DPF1: variants seen among roughly 807,000 people sequenced by gnomAD.
DPF1 encodes double PHD fingers 1.
Under a neutral mutation model 58.7 loss-of-function variants are expected in DPF1, and 14 were observed. That is an observed-to-expected ratio of 0.24 (90% CI 0.16 to 0.37). DPF1 has a LOEUF of 0.37. Among genes scored for constraint, DPF1 ranks in the 10% least tolerant of loss-of-function variants. The pLI, the probability that DPF1 is intolerant of heterozygous loss-of-function variation, is 1.00. For missense variants in DPF1, 345 were observed against 529.9 expected (o/e 0.65, Z 3.43); for synonymous variants, 216 against 216.0 (o/e 1.00, Z 0.00).
intron 1 of DPF1, chr19:38,223,426 T>TAC (rs1311817585): frequency 6.6e-6 from 1 of 152,206 alleles, no homozygotes; most frequent in African/African-American, 2.4e-5. Context: ...TTCACACAGG[T>TAC]ACACACACAC....
At chr19:38,226,274 C>T (rs1001986301), upstream of DPF1, among the ~76,000 whole-genome samples, 10 of 143,382 alleles carry the variant, frequency 7.0e-5, no homozygotes. Flanking sequence ...CCCCCTTTCC[C>T]CTTCCCACCC....
upstream of DPF1, chr19:38,228,003 G>T (rs1234015012): frequency 6.6e-6 from 1 of 152,386 alleles, no homozygotes; most frequent in Non-Finnish European, 1.5e-5. Context: ...TCTGGGCCAG[G>T]GTCAGGGTGA....
At chr19:38,224,654 C>G (rs1176394081), upstream of DPF1, among the ~76,000 whole-genome samples, 2 of 152,074 alleles carry the variant, frequency 1.3e-5, no homozygotes, top group African/African-American at 2.4e-5. This position sits in a 1 kb window ranked among gnomAD's most constrained non-coding sequence, Gnocchi z 4.5. Flanking sequence ...CCCCTCACCG[C>G]CCCCCACCCA....
At chr19:38,223,024 C>G (rs931982560) in intron 1 of DPF1, 1 of 359,378 alleles carries the variant, frequency 2.8e-6, no homozygotes, top group Admixed American at 4.7e-5. Context: ...CACAGTCACA[C>G]GGGATTCACA....
chr19:38,218,890 G>A, intron 4 of DPF1, 41 bp downstream of exon 4: 1 of 1,610,394 alleles, frequency 6.2e-7, no homozygotes, highest in Non-Finnish European at 8.5e-7. Flanking sequence ...GCAGGGGTGA[G>A]ACGAAGCCAT....
Position 38,222,227 on chromosome 19 carries a change from C to T in DPF1, c.298+130G>A, listed in dbSNP as rs1967538510. 1 of 773,808 alleles carries T rather than the reference C, an allele frequency of 1.3e-6. No homozygotes were observed. The highest frequency in any genetic ancestry group is 2.0e-6 in the Non-Finnish European group (1 of 487,896). The allele number at this position is 773,808 out of a possible 1,614,324, so 47.9% of individuals were successfully genotyped here. A position where few individuals can be genotyped will look rare whatever the true frequency, so the allele number is the denominator to read the frequency against. ...TGGAATCTCTGGGAAACACCCGGGACGCACATGGGCAGACAGACACACAGC... is the reference window on the plus strand; with the variant it reads ...TGGAATCTCTGGGAAACACCCGGGATGCACATGGGCAGACAGACACACAGC... On this transcript the variant is annotated intron_variant, in intron 3 of 11. Transcript: ENST00000355526. The surrounding 1 kb of genome is among the most constrained non-coding windows in gnomAD (Gnocchi z 4.9).
chr19:38,222,476 G>T lies in DPF1; in HGVS notation c.191-12C>A, dbSNP rs781466421. The T allele has an allele frequency of 8.2e-6, 13 of 1,582,338 alleles. No individual in the cohort carries two copies. The highest frequency in any genetic ancestry group is 2.3e-5 in the South Asian group (2 of 86,612). ...TCCCGGGGCCAAACCTGGAGAGAGA[G>T]GGGGGTGAGAGGGCGGCGGCGGTGG... On this transcript the variant is annotated splice_polypyrimidine_tract_variant and intron_variant, in intron 2 of 11. Coordinates refer to ENST00000355526, the MANE Select transcript of DPF1 (RefSeq NM_001135155.3). The surrounding 1 kb of genome is among the most constrained non-coding windows in gnomAD (Gnocchi z 4.9).
At chr19:38,215,495 AAAAC>A (rs1304532698) in intron 9 of DPF1, among the ~76,000 whole-genome samples, 2 of 32,496 alleles carry the variant, frequency 6.2e-5, no homozygotes, top group African/African-American at 4.2e-4. Context: ...TCTGTCTCAA[AAAAC>A]AAAACAAAAC....
rs61546378 is a variant in DPF1 at position 38,212,962 on chromosome 19, A to G, written c.1012-601T>C. 2.5e-3 allele frequency among the ~76,000 whole-genome samples: 376 copies of G among 149,976 alleles called. 1 individual carries two copies. The highest frequency in any genetic ancestry group is 8.5e-3 in the African/African-American group (348 of 40,806). Reference sequence around the variant, plus strand: ...GATGATCTGATAGCAGCTCTGCCAGAAACGGTCATGGCTTTTGTTTTTGTT... The same window carrying G: ...GATGATCTGATAGCAGCTCTGCCAGGAACGGTCATGGCTTTTGTTTTTGTT... On this transcript the variant is annotated intron_variant, in intron 10 of 11. Coordinates refer to ENST00000355526, the MANE Select transcript of DPF1 (RefSeq NM_001135155.3).
At chr19:38,224,446 C>G (rs1967728809), upstream of DPF1, among the ~76,000 whole-genome samples, 1 of 152,172 alleles carries the variant, frequency 6.6e-6, no homozygotes, top group African/African-American at 2.4e-5. The surrounding 1 kb of genome is among the most constrained non-coding windows in gnomAD (Gnocchi z 4.5). Flanking sequence ...CACATGCACA[C>G]CTGGACTCGC....
At chr19:38,218,810 G>T in intron 4 of DPF1, 121 bp downstream of exon 4, 1 of 1,548,446 alleles carries the variant, frequency 6.5e-7, no homozygotes, top group Non-Finnish European at 8.8e-7. Context: ...ATGGTGACTG[G>T]GATGCCCAAC....
intron 10 of DPF1, 143 bp downstream of exon 10, chr19:38,213,501 T>C (rs1973612776): frequency 1.4e-6 from 1 of 697,976 alleles, no homozygotes. Flanking sequence ...CCAGGTTCGA[T>C]TTATGGACAC....
upstream of DPF1, among the ~76,000 whole-genome samples, chr19:38,226,533 C>CAA (rs1967830697): frequency 6.6e-6 from 1 of 151,220 alleles, no homozygotes; most frequent in East Asian, 1.9e-4. Flanking sequence ...CACACACACA[C>CAA]ACACACTCCT....
intron 3 of DPF1, among the ~76,000 whole-genome samples, chr19:38,221,293 T>A (rs912568429): frequency 2.0e-5 from 3 of 151,920 alleles, no homozygotes; most frequent in Admixed American, 6.5e-5. Flanking sequence ...ATCCCAGCAC[T>A]CTGGGAGGCC....
At position 38,217,567 on chromosome 19, in the gene DPF1, C is replaced by T; in HGVS notation, c.620G>A (p.Arg207Gln). The T allele has an allele frequency of 6.4e-7, 1 of 1,551,254 alleles. No individual in the cohort carries two copies. The highest frequency in any genetic ancestry group is 8.7e-7 in the Non-Finnish European group (1 of 1,146,772). The change falls in exon 7 of 12, where the codon CGG (arginine) becomes CAG (glutamine). Residue 207 changes from arginine (R) to glutamine (Q), a missense_variant. Physicochemically the swap from Arg to Gln is conservative, Grantham distance 43 (BLOSUM62 1). Transcript: ENST00000355526. Reference sequence around the variant, plus strand: ...GGTGTAGTGGTAGCTGAGCCCCGGCCGGTTCTTATACCGTTTCCCACAGAC... The same window carrying T: ...GGTGTAGTGGTAGCTGAGCCCCGGCTGGTTCTTATACCGTTTCCCACAGAC... ...CDICGKRYKN[R>Q]PGLSYHYTHT...
intron 9 of DPF1, among the ~76,000 whole-genome samples, chr19:38,214,647 GTC>G (rs1333253095): frequency 6.6e-6 from 1 of 152,040 alleles, no homozygotes; most frequent in African/African-American, 2.4e-5. Flanking sequence ...CTTGGCCCCT[GTC>G]TCTTGCTACT....
rs971062742 is a variant in DPF1, at chr19:38,213,730, C to T, written c.925G>A (p.Val309Met). ...GTCCGCACGGCTGCCGTCATGTTCA[C>T]CGTGAATTGTAAACACGAGGGGTGT... ...SGHPSCLQFT[V>M]NMTAAVRTYR... Residue 309 changes from valine (V) to methionine (M), a missense_variant, in exon 10 of 12, where the codon GTG (valine) becomes ATG (methionine). Transcript: ENST00000355526. 1.0e-4 allele frequency: 165 copies of T among 1,613,774 alleles called. No homozygotes were observed. The highest frequency in any genetic ancestry group is 1.4e-4 in the Non-Finnish European group (164 of 1,179,878).
At chr19:38,216,490 T>C in intron 7 of DPF1, 87 bp from the exon 8 acceptor site, 2 of 1,448,402 alleles carry the variant, frequency 1.4e-6, no homozygotes, top group Non-Finnish European at 1.8e-6. Flanking sequence ...ATGGACCTCT[T>C]AGTCCAGGCG....
In DPF1 at chr19:38,211,989, G is replaced by T; in HGVS notation, c.*74C>A. 7.2e-6 allele frequency: 11 copies of T among 1,528,588 alleles called. No homozygotes were observed. The highest frequency in any genetic ancestry group is 9.8e-6 in the Non-Finnish European group (11 of 1,119,764). The allele number at this position is 1,528,588 out of a possible 1,614,324, so 94.7% of individuals were successfully genotyped here. A position where few individuals can be genotyped will look rare whatever the true frequency, so the allele number is the denominator to read the frequency against. ...CCCCTCCCCCTGCGGGATGTTCAGG[G>T]TGGGGGAGAATTGAGGAGCTCGGAG... On this transcript the variant is annotated 3_prime_UTR_variant, in exon 12 of 12. Transcript: ENST00000355526. This position sits in a 1 kb window ranked among gnomAD's most constrained non-coding sequence, Gnocchi z 4.0.
Sources: allele counts gnomAD v4.1 joint callset (sites outside exome capture counted in the v4.1 genomes callset), GRCh38; gene constraint gnomAD v4.1.1; non-coding constraint Gnocchi (gnomAD v3.1); transcripts MANE v1.5; gene names NCBI Gene and HGNC (gene_info 2026-07-23, HGNC 2026-07-21).